The following FAM171A1 variants were observed in gnomAD, a reference collection of about 807,000 sequenced individuals.
The protein encoded by FAM171A1 is protein FAM171A1.
A neutral mutation model predicts 74.9 loss-of-function variants in FAM171A1; 23 were observed. The observed-to-expected ratio is 0.31, with a 90% CI of 0.22 to 0.44. FAM171A1 has a LOEUF of 0.44. Ranked by LOEUF, FAM171A1 falls within the 20% of genes least tolerant of loss-of-function variation. FAM171A1 has a pLI of 1.00. For synonymous variants in FAM171A1, 527 were observed against 505.7 expected, an observed-to-expected ratio of 1.04 and a Z score of -0.57; for missense variants, 1,162 against 1,159.2, an observed-to-expected ratio of 1.00 and a Z score of -0.03.
At chr10:15,225,234 C>A (rs1264519550) in intron 5 of FAM171A1, among the ~76,000 whole-genome samples, 1 of 152,160 alleles carries the variant, frequency 6.6e-6, no homozygotes, top group Non-Finnish European at 1.5e-5. Context: ...CTCCAGAGAC[C>A]TTCAGAATGA....
rs962376967 is a variant in FAM171A1, at chr10:15,321,107, T to C, written c.98-37002A>G. Among the ~76,000 whole-genome samples, 91 of 152,348 alleles carry C rather than the reference T, an allele frequency of 6.0e-4. 1 individual carries two copies. The highest frequency in any genetic ancestry group is 2.1e-3 in the African/African-American group (89 of 41,584). The stretch of plus-strand genomic sequence containing the variant: ...AGCCACCTAGAAGAATATCCTTATA[T>C]GTTCAAGTTTGCTACTGGGGAAAGG... On this transcript the variant is annotated intron_variant, in intron 1 of 7. Transcript: ENST00000378116.
intron 5 of FAM171A1, among the ~76,000 whole-genome samples, chr10:15,232,774 A>G (rs1417703776): frequency 6.6e-6 from 1 of 152,198 alleles, no homozygotes; most frequent in East Asian, 1.9e-4. Context: ...TAAACTGGGA[A>G]AGGGGATTTG....
intron 1 of FAM171A1, among the ~76,000 whole-genome samples, chr10:15,356,292 CT>C (rs1222660676): frequency 6.6e-6 from 1 of 151,130 alleles, no homozygotes; most frequent in African/African-American, 2.4e-5. Flanking sequence ...ATTTAAAGAA[CT>C]AACAATACCT....
At chr10:15,338,405 G>A (rs1835728132) in intron 1 of FAM171A1, among the ~76,000 whole-genome samples, 2 of 152,172 alleles carry the variant, frequency 1.3e-5, no homozygotes, top group Non-Finnish European at 1.5e-5. Flanking sequence ...ACAGCAATTA[G>A]CAAAGTCATT....
intron 5 of FAM171A1, among the ~76,000 whole-genome samples, chr10:15,224,708 CT>C (rs1834082960): frequency 1.3e-5 from 2 of 152,134 alleles, no homozygotes; most frequent in Admixed American, 1.3e-4. Flanking sequence ...TAAGATGTGC[CT>C]TTTGCCTTCT....
Position 15,253,148 on chromosome 10 carries a change from C to T in FAM171A1, c.577+1573G>A, listed in dbSNP as rs375528509. On this transcript the variant is annotated intron_variant, in intron 4 of 7. Coordinates refer to ENST00000378116, the MANE Select transcript of FAM171A1 (RefSeq NM_001010924.2). ...CTTCCTGAGTAGCTAGAACTACAGG[C>T]ACCTGCCACCACACCCAGCTAATTT... Among the ~76,000 whole-genome samples, 14 of 152,232 alleles carry T rather than the reference C, an allele frequency of 9.2e-5. No homozygotes were observed. The East Asian group carries it at 2.5e-3, about 27-fold the overall frequency.
In FAM171A1 at chr10:15,227,627, TGCCTTG is replaced by T. The variant is rs1482995176; in HGVS notation, c.755-6573_755-6568del. Reference sequence around the variant, plus strand: ...AACTTCTGGACCCAAGTGATCCTCCTGCCTTGGCCTCCCAAAGCATTGGGATTATAG... The same window carrying T: ...AACTTCTGGACCCAAGTGATCCTCCTGCCTCCCAAAGCATTGGGATTATAG... On this transcript the variant is annotated intron_variant, in intron 5 of 7. Coordinates refer to ENST00000378116, the MANE Select transcript of FAM171A1 (RefSeq NM_001010924.2). 5.9e-5 allele frequency among the ~76,000 whole-genome samples: 9 copies of T among 152,008 alleles called. No homozygotes were observed. In the Middle Eastern group the frequency reaches 0.01, roughly 175 times the overall value.
chr10:15,348,826 G>C (rs1034172846), intron 1 of FAM171A1, among the ~76,000 whole-genome samples: 36 of 152,188 alleles, frequency 2.4e-4, no homozygotes, highest in African/African-American at 8.4e-4. Flanking sequence ...AAAGCCATCG[G>C]GAGAACGGGC....
intron 1 of FAM171A1, among the ~76,000 whole-genome samples, chr10:15,347,183 C>G (rs780688241): frequency 6.6e-6 from 1 of 152,144 alleles, no homozygotes; most frequent in Admixed American, 6.5e-5. Flanking sequence ...ATTCAAGATG[C>G]CATTTGCACA....
chr10:15,325,455 C>T (rs1835543944), intron 1 of FAM171A1, among the ~76,000 whole-genome samples: 1 of 152,146 alleles, frequency 6.6e-6, no homozygotes, highest in African/African-American at 2.4e-5. Flanking sequence ...CTGCGGTGAG[C>T]TACGATGGAG....
chr10:15,353,731 T>C (rs1835903262), intron 1 of FAM171A1, among the ~76,000 whole-genome samples: 1 of 151,292 alleles, frequency 6.6e-6, no homozygotes, highest in African/African-American at 2.4e-5. Flanking sequence ...AGGGGAAGAG[T>C]ACCAGGTGCC....
chr10:15,272,686 A>C (rs1834842126), intron 3 of FAM171A1, among the ~76,000 whole-genome samples: 2 of 152,316 alleles, frequency 1.3e-5, no homozygotes, highest in South Asian at 4.1e-4. Context: ...AATTATAACA[A>C]ATTGTCTCTC....
At chr10:15,348,937 T>C (rs1835847767) in intron 1 of FAM171A1, among the ~76,000 whole-genome samples, 1 of 152,218 alleles carries the variant, frequency 6.6e-6, no homozygotes, top group South Asian at 2.1e-4. Flanking sequence ...TTTCCTTTGT[T>C]TTATTCATAA....
intron 1 of FAM171A1, among the ~76,000 whole-genome samples, chr10:15,316,401 C>T (rs953529880): frequency 2.0e-5 from 3 of 152,170 alleles, no homozygotes; most frequent in South Asian, 4.1e-4. Context: ...TGGGGCGTCC[C>T]GCAAGGTAAA....
chr10:15,226,255 G>A (rs1352971430), intron 5 of FAM171A1, among the ~76,000 whole-genome samples: 1 of 152,192 alleles, frequency 6.6e-6, no homozygotes, highest in Non-Finnish European at 1.5e-5. Context: ...ACAATGACAT[G>A]TGCCTCTCTG....
intron 5 of FAM171A1, among the ~76,000 whole-genome samples, chr10:15,221,556 C>T (rs1403772045): frequency 6.6e-6 from 1 of 152,236 alleles, no homozygotes; most frequent in Non-Finnish European, 1.5e-5. Flanking sequence ...AACTCTCATC[C>T]AGTAACCCTG....
intron 1 of FAM171A1, among the ~76,000 whole-genome samples, chr10:15,347,618 A>T (rs952762436): frequency 2.6e-5 from 4 of 152,026 alleles, no homozygotes; most frequent in Non-Finnish European, 5.9e-5. Flanking sequence ...CGAGTGGATG[A>T]CAAAGTCAAG....
chr10:15,216,374 A>T (rs902090700), intron 6 of FAM171A1, among the ~76,000 whole-genome samples: 3 of 152,236 alleles, frequency 2.0e-5, no homozygotes, highest in African/African-American at 7.2e-5. Context: ...GCCCCTCCTA[A>T]GCGGAGAAGT....
chr10:15,292,457 A>T (rs182005513), intron 1 of FAM171A1, among the ~76,000 whole-genome samples: 1 of 152,166 alleles, frequency 6.6e-6, no homozygotes, highest in African/African-American at 2.4e-5. Context: ...ATATCATATT[A>T]GGTTATATTA....
Sources: gnomAD v4.1 joint callset for allele counts (sites outside exome capture counted in the v4.1 genomes callset) on GRCh38, gnomAD v4.1.1 for gene constraint, MANE v1.5 for transcripts, NCBI Gene and HGNC (gene_info 2026-07-23, HGNC 2026-07-21) for gene names.